The following WDR47 variants were observed in gnomAD, a reference collection of about 807,000 sequenced individuals.
WDR47 encodes WD repeat domain 47, also known as WD repeat-containing protein 47.
WDR47 carries 32 observed loss-of-function variants against 97.2 expected under a neutral mutation model. The observed-to-expected ratio is 0.33, with a 90% CI of 0.25 to 0.44. The LOEUF is 0.44. Ranked by LOEUF, WDR47 falls within the 20% of genes least tolerant of loss-of-function variation. WDR47 has a pLI of 1.00. For synonymous variants in WDR47, 375 were observed against 373.5 expected, an observed-to-expected ratio of 1.00 and a Z score of -0.05; for missense variants, 782 against 1,102.3, an observed-to-expected ratio of 0.71 and a Z score of 4.11.
intron 13 of WDR47, among the ~76,000 whole-genome samples, chr1:108,976,780 G>A (rs1657935681): frequency 6.6e-6 from 1 of 152,158 alleles, no homozygotes; most frequent in African/African-American, 2.4e-5. Flanking sequence ...ACAAGAGGAG[G>A]AACATTTCCA....
chr1:109,019,651 C>T (rs1274422346), intron 2 of WDR47, among the ~76,000 whole-genome samples: 2 of 152,016 alleles, frequency 1.3e-5, no homozygotes, highest in Non-Finnish European at 2.9e-5. Flanking sequence ...ATTATCTGGC[C>T]CAGATGCTAG....
chr1:109,002,364 C>T lies in WDR47; in HGVS notation c.1293G>A (p.Arg431=). 1 of 1,608,924 alleles carries T rather than the reference C, an allele frequency of 6.2e-7. No homozygotes were observed. The highest frequency in any genetic ancestry group is 8.5e-7 in the Non-Finnish European group (1 of 1,178,778). Residue 431 remains arginine, a synonymous_variant, in exon 7 of 15, where the codon AGG becomes AGA. Coordinates refer to ENST00000369962, the MANE Select transcript of WDR47 (RefSeq NM_001142551.2). ...AATGCTGTTGATAGCGTAATCTTTG[C>T]CTATAATATTCTTGAAATTGTTCTG... ...DSTEQFQEYY[R]QRLRYQQHLE...
chr1:108,977,767 G>T (rs978700729), intron 13 of WDR47, among the ~76,000 whole-genome samples: 1 of 152,044 alleles, frequency 6.6e-6, no homozygotes, highest in Non-Finnish European at 1.5e-5. Context: ...GGCAGAGGTT[G>T]CAGTGAGCTG....
At chr1:109,004,740 A>T in intron 5 of WDR47, 25 bp from the exon 6 acceptor site, 1 of 1,570,016 alleles carries the variant, frequency 6.4e-7, no homozygotes, top group South Asian at 1.2e-5. Context: ...GTGCAAAAAA[A>T]CAAAAAGGCA....
Position 109,030,151 on chromosome 1 carries a change from A to G in WDR47, c.-9-6630T>C, listed in dbSNP as rs1007335233. The G allele has an allele frequency of 1.7e-5, 22 of 1,322,734 alleles. No individual in the cohort carries two copies. In the African/African-American group the frequency reaches 2.5e-4, roughly 15 times the overall value. 81.9% of individuals were successfully genotyped at this position (1,322,734 alleles called of 1,614,324 possible). ...AAGAAACGCCTGGTGCAGAGCCCCA[A>G]TTCCTACTTCATGGGTGTGAAATGC... is the stretch of plus-strand genomic sequence containing the variant. On this transcript the variant is annotated intron_variant, in intron 1 of 14. Transcript: ENST00000369962.
intron 8 of WDR47, 60 bp downstream of exon 8, chr1:108,995,520 A>C: frequency 1.3e-6 from 2 of 1,578,050 alleles, no homozygotes; most frequent in Non-Finnish European, 1.7e-6. Flanking sequence ...AGACAAGTTC[A>C]ACCTTCTAAC....
Position 109,002,271 on chromosome 1 carries a change from CTCCTGA to C in WDR47, c.1380_1385del (p.Asn460_Glu462delinsLys). The C allele has an allele frequency of 6.2e-7, 1 of 1,611,830 alleles. No homozygotes were observed. Among genetic ancestry groups the C allele is most frequent in the Non-Finnish European group, 8.5e-7 (1 of 1,179,704 alleles). Reference sequence around the variant, plus strand: ...GATTCTGCTGCTGATCAGGACCATCCTCCTGATTCACGCCTCCTTCAAGCAACATCT... The same window carrying C: ...GATTCTGCTGCTGATCAGGACCATCCTTCACGCCTCCTTCAAGCAACATCT... On this transcript the variant is annotated inframe_deletion, in exon 7 of 15. Transcript: ENST00000369962.
At chr1:109,014,476 C>A (rs1258479783) in intron 3 of WDR47, among the ~76,000 whole-genome samples, 1 of 151,570 alleles carries the variant, frequency 6.6e-6, no homozygotes, top group South Asian at 2.1e-4. Flanking sequence ...GCTCTGTCAC[C>A]CAAGCTGGAG....
At chr1:108,989,716 C>T (rs896884327) in intron 9 of WDR47, among the ~76,000 whole-genome samples, 1 of 152,146 alleles carries the variant, frequency 6.6e-6, no homozygotes, top group African/African-American at 2.4e-5. Flanking sequence ...TTTTTTGAGA[C>T]AGAGTTTTGC....
intron 2 of WDR47, among the ~76,000 whole-genome samples, chr1:109,018,432 G>T (rs771864598): frequency 2.0e-4 from 28 of 136,700 alleles, no homozygotes; most frequent in African/African-American, 6.9e-4. Flanking sequence ...GAGAGACTCT[G>T]TCTCAAAAAA....
intron 1 of WDR47, among the ~76,000 whole-genome samples, chr1:109,026,202 G>A (rs1291575784): frequency 2.0e-5 from 3 of 151,870 alleles, no homozygotes; most frequent in Admixed American, 1.3e-4. Flanking sequence ...GTGTGCCACC[G>A]TACCCAGCTA....
In WDR47 at chr1:109,010,910, G is replaced by A; in HGVS notation, c.1130+6C>T. ...GATTTCCTAATTTTTATAACCAAAT[G>A]CTTACCGCTCAGGGGATTCTTCGTA... On this transcript the variant is annotated splice_donor_region_variant and intron_variant, in intron 5 of 14. Coordinates refer to ENST00000369962, the MANE Select transcript of WDR47 (RefSeq NM_001142551.2). 6.2e-7 allele frequency: 1 copy of A among 1,601,230 alleles called. No individual in the cohort carries two copies. Among genetic ancestry groups the A allele is most frequent in the East Asian group, 2.2e-5 (1 of 44,678 alleles).
chr1:108,980,276 G>A (rs1185657338), intron 13 of WDR47, among the ~76,000 whole-genome samples: 1 of 151,884 alleles, frequency 6.6e-6, no homozygotes, highest in South Asian at 2.1e-4. Flanking sequence ...CAAATGTGCT[G>A]TAAAACATCA....
intron 1 of WDR47, among the ~76,000 whole-genome samples, chr1:109,036,920 C>T (rs1415194165): frequency 6.6e-6 from 1 of 152,162 alleles, no homozygotes; most frequent in Non-Finnish European, 1.5e-5. Flanking sequence ...CTAACAATTC[C>T]CATCATCTAG....
At chr1:109,002,114 T>G in intron 7 of WDR47, 110 bp downstream of exon 7, 3 of 1,243,902 alleles carry the variant, frequency 2.4e-6, no homozygotes, top group Non-Finnish European at 3.3e-6. Flanking sequence ...TTACTTCAAA[T>G]GCGTAAAAAG....
intron 9 of WDR47, among the ~76,000 whole-genome samples, chr1:108,988,918 C>T (rs1020937291): frequency 9.2e-5 from 14 of 152,018 alleles, no homozygotes; most frequent in South Asian, 2.1e-4. Flanking sequence ...CCACCACACC[C>T]GGCTAATTTT....
At chr1:109,001,592 A>G in intron 7 of WDR47, among the ~76,000 whole-genome samples, 1 of 152,144 alleles carries the variant, frequency 6.6e-6, no homozygotes, top group Admixed American at 6.6e-5. Flanking sequence ...GGTTAGAAGA[A>G]ATAAGAAGTA....
chr1:108,991,419 T>A, intron 8 of WDR47, 90 bp from the exon 9 acceptor site: 1 of 1,191,476 alleles, frequency 8.4e-7, no homozygotes, highest in Non-Finnish European at 1.2e-6. Context: ...ATTTTTCTTT[T>A]TAGCAAACAA....
In WDR47 at chr1:108,982,748, TC is replaced by T; in HGVS notation, c.2126del (p.Gly709GlufsTer19). ...GPDLEFSMHD[G>X]TIRDLAFMEG... Reference sequence around the variant, plus strand: ...CCATAAATGCCAAGTCTCTAATTGTTCCATCATGCATACTAAATTCCAGATC... The same window carrying T: ...CCATAAATGCCAAGTCTCTAATTGTTCATCATGCATACTAAATTCCAGATC... On this transcript the variant is annotated frameshift_variant, in exon 12 of 15. Transcript: ENST00000369962. LOFTEE classifies it high-confidence loss of function. 2 of 1,613,270 alleles carry T rather than the reference TC, an allele frequency of 1.2e-6. No homozygotes were observed. Among genetic ancestry groups the T allele is most frequent in the Non-Finnish European group, 1.7e-6 (2 of 1,179,832 alleles).
Sources: gnomAD v4.1 joint callset for allele counts (sites outside exome capture counted in the v4.1 genomes callset) on GRCh38, gnomAD v4.1.1 for gene constraint, MANE v1.5 for transcripts, NCBI Gene and HGNC (gene_info 2026-07-23, HGNC 2026-07-21) for gene names.